The following MYH1 variants were observed in gnomAD, a reference collection of about 807,000 sequenced individuals.
The protein encoded by MYH1 is myosin-1.
In MYH1, 214 loss-of-function variants were observed where a neutral mutation model predicts 225.6. The observed-to-expected ratio is 0.95, with a 90% confidence interval of 0.85 to 1.06. The LOEUF is 1.06. Ranked by LOEUF, MYH1 falls within the 50% of genes least tolerant of loss-of-function variation. MYH1 has a pLI of 0.00. For synonymous variants in MYH1, 774 were observed against 842.3 expected (o/e 0.92, Z 1.40); for missense variants, 2,098 against 2,344.2 (o/e 0.89, Z 2.17).
chr17:10,513,624 A>C lies in MYH1; in HGVS notation c.805+2T>G. ...TTCTATTTAGGAGGTCCTGTTACTC[A>C]CATGTTTCAATATCAGCAGAAGCCA... On this transcript the variant is annotated splice_donor_variant, in intron 9 of 39. Coordinates refer to ENST00000226207, the MANE Select transcript of MYH1 (RefSeq NM_005963.4). LOFTEE classifies it high-confidence loss of function. The C allele has an allele frequency of 6.2e-7, 1 of 1,613,654 alleles. No homozygotes were observed. Among genetic ancestry groups the C allele is most frequent in the Non-Finnish European group, 8.5e-7 (1 of 1,179,542 alleles).
intron 22 of MYH1, among the ~76,000 whole-genome samples, chr17:10,504,063 A>G (rs1468682098): frequency 6.6e-6 from 1 of 152,226 alleles, no homozygotes; most frequent in African/African-American, 2.4e-5. Context: ...GGACTAGTCA[A>G]TTCCCTTTCT....
intron 32 of MYH1, 31 bp downstream of exon 32, chr17:10,497,256 T>C: frequency 1.3e-6 from 2 of 1,591,550 alleles, no homozygotes; most frequent in Non-Finnish European, 1.7e-6. Context: ...TCAAATCTTT[T>C]ATTGTTAAAG....
intron 9 of MYH1, 108 bp from the exon 10 acceptor site, chr17:10,513,073 CA>C: frequency 2.8e-6 from 2 of 707,540 alleles, no homozygotes; most frequent in South Asian, 3.7e-5. Context: ...CTTGAGATTT[CA>C]ACTGAATGTT....
intron 16 of MYH1, 33 bp from the exon 17 acceptor site, chr17:10,507,989 C>G: frequency 1.3e-6 from 2 of 1,533,992 alleles, no homozygotes; most frequent in East Asian, 2.3e-5. Context: ...CATAGGACAG[C>G]CTTTCTCTGG....
At chr17:10,498,925 AAAAC>A (rs2073023954) in intron 29 of MYH1, 45 bp downstream of exon 29, 4 of 1,602,360 alleles carry the variant, frequency 2.5e-6, no homozygotes, top group Non-Finnish European at 3.4e-6. Flanking sequence ...AAGTAAGCGA[AAAAC>A]AAATAACAAG....
chr17:10,502,750 T>C lies in MYH1; in HGVS notation c.3099A>G (p.Gln1033=), dbSNP rs1349240600. ...TLTKAKIKLE[Q]QVDDLEGSLE... ...ATGTTAGGCTTACATCATCCACTTG[T>C]TGTTCAAGTTTGATTTTAGCTTTGG... The change falls in exon 24 of 40, where the codon CAA becomes CAG. Residue 1033 remains glutamine, a synonymous_variant. Coordinates refer to ENST00000226207, the MANE Select transcript of MYH1 (RefSeq NM_005963.4). The C allele has an allele frequency of 6.2e-7, 1 of 1,614,172 alleles. No homozygotes were observed. Among genetic ancestry groups the C allele is most frequent in the South Asian group, 1.1e-5 (1 of 91,088 alleles).
At position 10,505,811 on chromosome 17, in the gene MYH1, C is replaced by A. The variant is rs1408212201; in HGVS notation, c.2174+1G>T. On this transcript the variant is annotated splice_donor_variant, in intron 19 of 39. Coordinates refer to ENST00000226207, the MANE Select transcript of MYH1 (RefSeq NM_005963.4). LOFTEE classifies it high-confidence loss of function. ...AATAATTTACAGCAAAAATGTCTGA[C>A]CTCTGTTTGAAGTCTGCATAAAGGA... 6.2e-7 allele frequency: 1 copy of A among 1,613,844 alleles called. No individual in the cohort carries two copies. The highest frequency in any genetic ancestry group is 1.7e-5 in the Admixed American group (1 of 59,988).
In MYH1 at chr17:10,497,204, A is replaced by G; in HGVS notation, c.4532-11T>C. The G allele has an allele frequency of 6.2e-7, 1 of 1,600,772 alleles. No homozygotes were observed. Among genetic ancestry groups the G allele is most frequent in the Non-Finnish European group, 8.5e-7 (1 of 1,176,568 alleles). ...GATCAGAAATCTCCTCTGTTGGTGAACAAAAAATATAGAAATTTGTTTATA... is the reference window on the plus strand; with the variant it reads ...GATCAGAAATCTCCTCTGTTGGTGAGCAAAAAATATAGAAATTTGTTTATA... On this transcript the variant is annotated splice_polypyrimidine_tract_variant and intron_variant, in intron 32 of 39. Coordinates refer to ENST00000226207, the MANE Select transcript of MYH1 (RefSeq NM_005963.4).
chr17:10,498,879 C>G (rs773208517), intron 29 of MYH1, 57 bp from the exon 30 acceptor site: 13 of 1,608,364 alleles, frequency 8.1e-6, no homozygotes, highest in African/African-American at 1.3e-5. Context: ...TGTTTGATTC[C>G]TGATCTCCTA....
Position 10,508,086 on chromosome 17 carries a change from T to G in MYH1, c.1898-130A>C, listed in dbSNP as rs971289992. The G allele has an allele frequency of 6.5e-6, 5 of 765,252 alleles. No individual in the cohort carries two copies. The East Asian group carries it at 1.3e-4, about 21-fold the overall frequency. 47.4% of individuals were successfully genotyped at this position (765,252 alleles called of 1,614,324 possible). A position where few individuals can be genotyped will look rare whatever the true frequency, so the allele number is the denominator to read the frequency against. On this transcript the variant is annotated intron_variant, in intron 16 of 39. Coordinates refer to ENST00000226207, the MANE Select transcript of MYH1 (RefSeq NM_005963.4). Reference sequence around the variant, plus strand: ...CAGGCTGGAGTGCAGTGGCGTGATCTCGGCTCACTGCAACCTCCACCTCCT... The same window carrying G: ...CAGGCTGGAGTGCAGTGGCGTGATCGCGGCTCACTGCAACCTCCACCTCCT...
Position 10,515,923 on chromosome 17 carries a change from C to T in MYH1, c.505+3G>A, listed in dbSNP as rs2073221901. Reference sequence around the variant, plus strand: ...TCATATGAAAACCAGCTGAGCCACTCACCAGTCAGCATGAACTGATAGGCA... The same window carrying T: ...TCATATGAAAACCAGCTGAGCCACTTACCAGTCAGCATGAACTGATAGGCA... On this transcript the variant is annotated splice_donor_region_variant and intron_variant, in intron 5 of 39. Transcript: ENST00000226207. The T allele has an allele frequency of 1.2e-6, 2 of 1,614,124 alleles. No homozygotes were observed. The highest frequency in any genetic ancestry group is 4.5e-5 in the East Asian group (2 of 44,866).
chr17:10,513,184 C>T (rs2073189680), intron 9 of MYH1, among the ~76,000 whole-genome samples: 1 of 152,276 alleles, frequency 6.6e-6, no homozygotes, highest in East Asian at 1.9e-4. Flanking sequence ...ATATTCACTT[C>T]TCATACAGAA....
intron 27 of MYH1, 87 bp downstream of exon 27, chr17:10,501,023 T>A: frequency 6.4e-7 from 1 of 1,565,720 alleles, no homozygotes; most frequent in Non-Finnish European, 8.7e-7. Flanking sequence ...CTGATTTAGT[T>A]CATGAGACGT....
chr17:10,512,715 C>T lies in MYH1; in HGVS notation c.974G>A (p.Ser325Asn). Reference sequence around the variant, plus strand: ...CATCAACTCTTCTTGGTCATCAATGCTGGGCACTGTGATCTCCCCTTGACT... The same window carrying T: ...CATCAACTCTTCTTGGTCATCAATGTTGGGCACTGTGATCTCCCCTTGACT... ...FVSQGEITVP[S>N]IDDQEELMAT... Residue 325 changes from serine to asparagine, a missense_variant, in exon 11 of 40, where the codon AGC (serine) becomes AAC (asparagine). Ser to Asn is a conservative substitution (Grantham distance 46). Transcript: ENST00000226207. 1.9e-6 allele frequency: 3 copies of T among 1,614,110 alleles called. No individual in the cohort carries two copies. The highest frequency in any genetic ancestry group is 2.5e-6 in the Non-Finnish European group (3 of 1,179,990).
Position 10,504,874 on chromosome 17 carries a change from T to C in MYH1, c.2627A>G (p.Glu876Gly). The C allele has an allele frequency of 1.2e-6, 2 of 1,614,198 alleles. No individual in the cohort carries two copies. The highest frequency in any genetic ancestry group is 1.7e-6 in the Non-Finnish European group (2 of 1,180,034). Reference protein sequence around the residue: ...ELAKTEAKRKELEEKMVTLMQ... With the variant: ...ELAKTEAKRKGLEEKMVTLMQ... ...CAGAGTAACCATTTTTTCTTCCAGCTCTTTCCTTTTTGCCTCGGTCTTAGC... is the reference window on the plus strand; with the variant it reads ...CAGAGTAACCATTTTTTCTTCCAGCCCTTTCCTTTTTGCCTCGGTCTTAGC... Residue 876 changes from glutamate to glycine, a missense_variant, in exon 22 of 40, where the codon GAG (glutamate) becomes GGG (glycine). Physicochemically the swap from Glu to Gly is moderately conservative, Grantham distance 98. Transcript: ENST00000226207.
chr17:10,493,621 A>G (rs1302984972), intron 39 of MYH1, among the ~76,000 whole-genome samples: 1 of 152,220 alleles, frequency 6.6e-6, no homozygotes, highest in African/African-American at 2.4e-5. Context: ...ACTTGTGTAT[A>G]TATGGTATTA....
At position 10,492,357 on chromosome 17, in the gene MYH1, G is replaced by A. The variant is rs2072941811; in HGVS notation, c.*59C>T. 4.4e-6 allele frequency: 7 copies of A among 1,585,508 alleles called. No individual in the cohort carries two copies. Among genetic ancestry groups the A allele is most frequent in the East Asian group, 4.6e-5 (2 of 43,600 alleles). Reference sequence around the variant, plus strand: ...CCAAAAGTCATAAGTACAAAATGGAGTGACAAAGATTTTCACATTTTGTGC... The same window carrying A: ...CCAAAAGTCATAAGTACAAAATGGAATGACAAAGATTTTCACATTTTGTGC... On this transcript the variant is annotated 3_prime_UTR_variant, in exon 40 of 40. Transcript: ENST00000226207.
chr17:10,498,103 GT>G (rs2073015054), intron 30 of MYH1, among the ~76,000 whole-genome samples, 186 bp from the exon 31 acceptor site: 1 of 152,172 alleles, frequency 6.6e-6, no homozygotes, highest in Non-Finnish European at 1.5e-5. Flanking sequence ...AACAACCCCA[GT>G]TTTGGTATTG....
At position 10,516,647 on chromosome 17, in the gene MYH1, G is replaced by A. The variant is rs747460134; in HGVS notation, c.-5C>T. On this transcript the variant is annotated 5_prime_UTR_variant, in exon 3 of 40. Coordinates refer to ENST00000226207, the MANE Select transcript of MYH1 (RefSeq NM_005963.4). Reference sequence around the variant, plus strand: ...CATCTCAGAGTCGGAACTCATGGCTGCAGGTTATTGATGGTAGCCCAGTTA... The same window carrying A: ...CATCTCAGAGTCGGAACTCATGGCTACAGGTTATTGATGGTAGCCCAGTTA... 21 of 1,614,180 alleles carry A rather than the reference G, an allele frequency of 1.3e-5. No homozygotes were observed. The South Asian group carries it at 1.9e-4, about 14-fold the overall frequency.
Sources: gnomAD v4.1 joint callset for allele counts (sites outside exome capture counted in the v4.1 genomes callset) on GRCh38, gnomAD v4.1.1 for gene constraint, MANE v1.5 for transcripts, NCBI Gene and HGNC (gene_info 2026-07-23, HGNC 2026-07-21) for gene names.